Variants in JCAD observed in about 807,000 individuals in gnomAD.
JCAD encodes the protein junctional cadherin 5 associated, also known as junctional cadherin 5-associated protein.
A neutral mutation model predicts 98.0 loss-of-function variants in JCAD; 40 were observed. The observed-to-expected ratio is 0.41, with a 90% CI of 0.32 to 0.53. JCAD has a LOEUF of 0.53. Among genes scored for constraint, JCAD ranks in the 20% least tolerant of loss-of-function variants. JCAD has a pLI of 0.31. For synonymous variants in JCAD, 691 were observed against 682.3 expected (o/e 1.01, Z -0.20); for missense variants, 1,705 against 1,738.1 (o/e 0.98, Z 0.34).
At chr10:30,080,541 G>A (rs568982630) in intron 1 of JCAD, among the ~76,000 whole-genome samples, 6 of 152,234 alleles carry the variant, frequency 3.9e-5, no homozygotes, top group South Asian at 2.1e-4. Flanking sequence ...ATCCCATTTC[G>A]ATCATGACAT....
upstream of JCAD, among the ~76,000 whole-genome samples, chr10:30,063,670 G>A (rs558906085): frequency 6.6e-6 from 1 of 152,288 alleles, no homozygotes; most frequent in East Asian, 1.9e-4. Context: ...GGGGTACAGT[G>A]TGATGTTTTG....
chr10:30,046,058 G>A (rs1313991475), intron 2 of JCAD, among the ~76,000 whole-genome samples: 1 of 152,100 alleles, frequency 6.6e-6, no homozygotes, highest in Non-Finnish European at 1.5e-5. Context: ...GTGTTTGTTT[G>A]TTTTTCTTAA....
At chr10:30,102,618 A>C (rs1838490950) in intron 1 of JCAD, among the ~76,000 whole-genome samples, 1 of 152,220 alleles carries the variant, frequency 6.6e-6, no homozygotes. Context: ...AAACCCTGCC[A>C]ACCACCATGC....
intron 1 of JCAD, among the ~76,000 whole-genome samples, chr10:30,053,123 T>C (rs61841127): frequency 2.6e-5 from 4 of 152,010 alleles, no homozygotes; most frequent in African/African-American, 9.7e-5. Flanking sequence ...TATTCACTTA[T>C]GAGATGATTA....
At chr10:30,018,163 T>A (rs1836576693) in intron 3 of JCAD, among the ~76,000 whole-genome samples, 1 of 152,244 alleles carries the variant, frequency 6.6e-6, no homozygotes. Flanking sequence ...TGCTGAATAC[T>A]TCGGCGGCTC....
chr10:30,057,569 T>TC (rs1047928976), intron 1 of JCAD, among the ~76,000 whole-genome samples: 7 of 152,112 alleles, frequency 4.6e-5, no homozygotes, highest in African/African-American at 1.7e-4. Context: ...ACTTCTTTTT[T>TC]CCCCGAAACA....
intron 3 of JCAD, among the ~76,000 whole-genome samples, chr10:30,023,038 T>C (rs1380432352): frequency 3.3e-5 from 5 of 152,114 alleles, no homozygotes; most frequent in Non-Finnish European, 7.3e-5. Context: ...ACTGTGCCTT[T>C]TCTTTTTGTT....
Position 30,029,149 on chromosome 10 carries a change from A to G in JCAD, c.999T>C (p.Pro333=). Residue 333 remains proline, a synonymous_variant, in exon 3 of 4, where the codon CCT becomes CCC. Coordinates refer to ENST00000375377, the MANE Select transcript of JCAD (RefSeq NM_020848.4). ...GCACGTACACTGGAGGTTCCAATCC[A>G]GGGTCTGACAGGCAGAGCTCATGCC... ...VPRHELCLSD[P]GLEPPVYVPP... 1 of 1,614,158 alleles carries G rather than the reference A, an allele frequency of 6.2e-7. No homozygotes were observed. The highest frequency in any genetic ancestry group is 8.5e-7 in the Non-Finnish European group (1 of 1,180,024).
intron 1 of JCAD, among the ~76,000 whole-genome samples, chr10:30,054,502 ATTC>A (rs1354633166): frequency 6.6e-6 from 1 of 151,688 alleles, no homozygotes; most frequent in Non-Finnish European, 1.5e-5. Context: ...TAATATCCAC[ATTC>A]TTATTATATA....
intron 1 of JCAD, among the ~76,000 whole-genome samples, chr10:30,056,087 T>A (rs1054354775): frequency 6.6e-6 from 1 of 152,206 alleles, no homozygotes; most frequent in South Asian, 2.1e-4. Context: ...AAGAAAGGAC[T>A]CAAACTGGAT....
chr10:30,053,420 G>C (rs1044262680), intron 1 of JCAD, among the ~76,000 whole-genome samples: 16 of 151,916 alleles, frequency 1.1e-4, no homozygotes, highest in Non-Finnish European at 2.1e-4. Context: ...AATTAGCCAG[G>C]CGTGGTGGCG....
upstream of JCAD, among the ~76,000 whole-genome samples, chr10:30,060,110 T>TAC (rs3074761): frequency 0.023 from 3,460 of 150,062 alleles, 80 homozygotes; most frequent in Admixed American, 0.062. Context: ...AGTATGGCTA[T>TAC]ACACACACAC....
chr10:30,105,042 G>A (rs1251322140), intron 1 of JCAD, among the ~76,000 whole-genome samples: 1 of 152,190 alleles, frequency 6.6e-6, no homozygotes, highest in African/African-American at 2.4e-5. Flanking sequence ...CAGGAAATGA[G>A]TTTGAAAGCT....
At chr10:30,092,203 TACG>T (rs999685213) in intron 1 of JCAD, among the ~76,000 whole-genome samples, 1 of 147,306 alleles carries the variant, frequency 6.8e-6, no homozygotes, top group African/African-American at 2.5e-5. Flanking sequence ...GTAGATTTTC[TACG>T]ACACTAGGGA....
At chr10:30,106,054 A>G (rs1009144430) in intron 1 of JCAD, among the ~76,000 whole-genome samples, 2 of 152,068 alleles carry the variant, frequency 1.3e-5, no homozygotes, top group Non-Finnish European at 2.9e-5. Context: ...GACCCCAACC[A>G]ATATTTGTTC....
chr10:30,030,542 ACCT>A (rs1164707065), intron 2 of JCAD, among the ~76,000 whole-genome samples: 2 of 151,948 alleles, frequency 1.3e-5, no homozygotes, highest in Non-Finnish European at 2.9e-5. Context: ...CTCAGTCCAG[ACCT>A]CCTGTGCAAT....
At chr10:30,046,309 T>C (rs1837334957) in intron 2 of JCAD, among the ~76,000 whole-genome samples, 1 of 152,074 alleles carries the variant, frequency 6.6e-6, no homozygotes, top group African/African-American at 2.4e-5. Context: ...CTGCCGAAAT[T>C]CTCTCCTTTT....
At chr10:30,040,571 G>A (rs1298269862) in intron 2 of JCAD, among the ~76,000 whole-genome samples, 3 of 152,104 alleles carry the variant, frequency 2.0e-5, no homozygotes, top group Non-Finnish European at 4.4e-5. Flanking sequence ...TGGAGTATTC[G>A]CGGTGCCTCC....
In JCAD at chr10:30,025,938, T is replaced by C. The variant is rs557768103; in HGVS notation, c.4045+165A>G. The C allele has an allele frequency of 3.8e-6, 3 of 784,396 alleles. No individual in the cohort carries two copies. The East Asian group carries it at 7.6e-5, about 20-fold the overall frequency. 48.6% of individuals were successfully genotyped at this position (784,396 alleles called of 1,614,324 possible). ...GATCTTGAATTTTAAAGATGGCTTCTGGATAATTCTTCGAAAATGAGGAAT... is the reference window on the plus strand; with the variant it reads ...GATCTTGAATTTTAAAGATGGCTTCCGGATAATTCTTCGAAAATGAGGAAT... On this transcript the variant is annotated intron_variant, in intron 3 of 3. Transcript: ENST00000375377.
Sources: allele counts gnomAD v4.1 joint callset (sites outside exome capture counted in the v4.1 genomes callset), GRCh38; gene constraint gnomAD v4.1.1; transcripts MANE v1.5; gene names NCBI Gene and HGNC (gene_info 2026-07-23, HGNC 2026-07-21).